The following NBAS variants were observed in gnomAD, a reference collection of about 807,000 sequenced individuals.
NBAS encodes NAG/BC035112 fusion.
A neutral mutation model predicts 302.5 loss-of-function variants in NBAS; 219 were observed. That is an observed-to-expected ratio of 0.72 (90% confidence interval 0.65 to 0.81). NBAS has a LOEUF of 0.81. Ranked by LOEUF, NBAS falls within the 30% of genes least tolerant of loss-of-function variation. NBAS has a pLI of 0.00. For synonymous variants in NBAS, 1,118 were observed against 1,021.6 expected (o/e 1.09, Z -1.80); for missense variants, 2,932 against 2,841.6 (o/e 1.03, Z -0.72).
At chr2:15,327,940 A>G in intron 37 of NBAS, 70 bp from the exon 38 acceptor site, 1 of 1,582,118 alleles carries the variant, frequency 6.3e-7, no homozygotes, top group Non-Finnish European at 8.7e-7. Flanking sequence ...CTTAGAAAAC[A>G]ATTATAGGAT....
intron 11 of NBAS, among the ~76,000 whole-genome samples, chr2:15,491,324 A>T (rs997792464): frequency 6.6e-6 from 1 of 152,250 alleles, no homozygotes; most frequent in Non-Finnish European, 1.5e-5. Context: ...ACAGAGTCAC[A>T]GGGAGAATGT....
chr2:15,272,500 T>C (rs143297603), intron 44 of NBAS, among the ~76,000 whole-genome samples: 7 of 152,296 alleles, frequency 4.6e-5, no homozygotes, highest in Non-Finnish European at 7.4e-5. Flanking sequence ...TAGGGCAGCA[T>C]TGTGTGCTTT....
the NBAS span, among the ~76,000 whole-genome samples, chr2:14,855,612 A>G: frequency 3.9e-5 from 6 of 151,976 alleles, no homozygotes; most frequent in Non-Finnish European, 8.8e-5. Flanking sequence ...GACTTAAGGG[A>G]ATATTGGTGG....
At chr2:15,382,648 G>GT (rs968988413) in intron 29 of NBAS, among the ~76,000 whole-genome samples, 3 of 151,956 alleles carry the variant, frequency 2.0e-5, no homozygotes, top group African/African-American at 7.3e-5. Flanking sequence ...GCAACATAGG[G>GT]TACATGGTGG....
chr2:15,508,057 A>G (rs933246523), intron 10 of NBAS, among the ~76,000 whole-genome samples: 3 of 152,220 alleles, frequency 2.0e-5, no homozygotes, highest in Non-Finnish European at 4.4e-5. Flanking sequence ...CTAATCCCAT[A>G]ACCTCAAATT....
chr2:15,231,992 C>T (rs1667401375), intron 47 of NBAS, among the ~76,000 whole-genome samples: 1 of 152,136 alleles, frequency 6.6e-6, no homozygotes, highest in South Asian at 2.1e-4. Flanking sequence ...AGCCTGTACA[C>T]TTTGAGTCCT....
the NBAS span, among the ~76,000 whole-genome samples, chr2:15,116,244 T>C: frequency 6.6e-6 from 1 of 152,314 alleles, no homozygotes; most frequent in Non-Finnish European, 1.5e-5. Context: ...CTTGAAAAGG[T>C]ATCTTAGCTT....
chr2:15,269,677 A>G (rs752067673), intron 44 of NBAS, among the ~76,000 whole-genome samples: 18 of 152,210 alleles, frequency 1.2e-4, no homozygotes, highest in Non-Finnish European at 2.5e-4. Context: ...TGGATCATCT[A>G]TATAACTCAG....
the NBAS span, among the ~76,000 whole-genome samples, chr2:14,847,857 C>T: frequency 6.6e-6 from 1 of 152,166 alleles, no homozygotes. Context: ...ATGGATCACT[C>T]TCAAGGACAG....
chr2:15,056,303 G>T, the NBAS span, among the ~76,000 whole-genome samples: 1 of 152,308 alleles, frequency 6.6e-6, no homozygotes, highest in South Asian at 2.1e-4. Flanking sequence ...GTATATTGTG[G>T]TTATGCGGAA....
At chr2:14,998,879 A>C in the NBAS span, among the ~76,000 whole-genome samples, 1 of 152,234 alleles carries the variant, frequency 6.6e-6, no homozygotes, top group South Asian at 2.1e-4. Context: ...TCCAATGAGC[A>C]GGCTGAATTT....
the NBAS span, among the ~76,000 whole-genome samples, chr2:14,960,756 T>A: frequency 6.6e-6 from 1 of 152,214 alleles, no homozygotes; most frequent in Non-Finnish European, 1.5e-5. Context: ...TCAGTATGTA[T>A]TCACCAAATG....
chr2:15,104,220 C>T, the NBAS span, among the ~76,000 whole-genome samples: 1 of 152,172 alleles, frequency 6.6e-6, no homozygotes, highest in African/African-American at 2.4e-5. Flanking sequence ...CTTTACTTCT[C>T]ATTCACCTTC....
the NBAS span, among the ~76,000 whole-genome samples, chr2:14,860,981 G>A: frequency 6.6e-6 from 1 of 152,162 alleles, no homozygotes; most frequent in South Asian, 2.1e-4. Context: ...CATCTATTAT[G>A]TATCAATTTT....
At chr2:15,265,956 T>G (rs1669056938) in intron 44 of NBAS, among the ~76,000 whole-genome samples, 2 of 152,228 alleles carry the variant, frequency 1.3e-5, no homozygotes, top group Admixed American at 1.3e-4. Context: ...GGTTTGGTTC[T>G]GTGTTACCAC....
At chr2:15,048,639 C>T in the NBAS span, among the ~76,000 whole-genome samples, 8 of 152,206 alleles carry the variant, frequency 5.3e-5, no homozygotes, top group African/African-American at 1.9e-4. Flanking sequence ...ACTGAGTTGC[C>T]AGGCTGCAGC....
In NBAS at chr2:15,467,691, T is replaced by C. The variant is rs1679782044; in HGVS notation, c.1991A>G (p.Glu664Gly). 1.2e-6 allele frequency: 2 copies of C among 1,612,806 alleles called. No individual in the cohort carries two copies. Among genetic ancestry groups the C allele is most frequent in the East Asian group, 4.5e-5 (2 of 44,786 alleles). ...GGAAAAGTTCACTAATTTCAGTAGT[T>C]CTTGTCTCTTCTTGAGCTCCTTTTC... ...KKEKELKKRQ[E>G]LLKLVNFSKL... is the part of the protein sequence containing the mutation. The change falls in exon 18 of 52, where the codon GAA becomes GGA. Residue 664 changes from glutamate to glycine, a missense_variant. Glu to Gly is a moderately conservative substitution (Grantham distance 98). Transcript: ENST00000281513.
chr2:14,970,773 C>A, the NBAS span, among the ~76,000 whole-genome samples: 5 of 152,162 alleles, frequency 3.3e-5, no homozygotes, highest in African/African-American at 9.7e-5. Context: ...TTTTTCTGAC[C>A]AGGTACAGAG....
At chr2:15,050,940 GC>G in the NBAS span, among the ~76,000 whole-genome samples, 1 of 151,988 alleles carries the variant, frequency 6.6e-6, no homozygotes, top group African/African-American at 2.4e-5. Context: ...GGGGGTGACT[GC>G]CCAGCCCTGG....
Sources: allele counts gnomAD v4.1 joint callset (sites outside exome capture counted in the v4.1 genomes callset), GRCh38; gene constraint gnomAD v4.1.1; transcripts MANE v1.5; gene names NCBI Gene and HGNC (gene_info 2026-07-23, HGNC 2026-07-21).